The following HECTD4 variants were observed in gnomAD, a reference collection of about 807,000 sequenced individuals.
The protein encoded by HECTD4 is HECT domain E3 ubiquitin protein ligase 4, also known as probable E3 ubiquitin-protein ligase HECTD4.
A neutral mutation model predicts 471.5 loss-of-function variants in HECTD4; 114 were observed. The observed-to-expected ratio is 0.24, with a 90% CI of 0.21 to 0.28. The LOEUF (loss-of-function observed/expected upper bound fraction) is 0.28. Ranked by LOEUF, HECTD4 falls within the 10% of genes least tolerant of loss-of-function variation. The pLI, the probability that HECTD4 is intolerant of heterozygous loss-of-function variation, is 1.00. For missense variants in HECTD4, 3,866 were observed against 5,651.5 expected (o/e 0.68, Z 10.13); for synonymous variants, 2,012 against 2,256.0 (o/e 0.89, Z 3.07).
At position 112,239,155 on chromosome 12, in the gene HECTD4, G is replaced by A; in HGVS notation, c.5187C>T (p.Ser1729=). The A allele has an allele frequency of 1.2e-6, 2 of 1,613,886 alleles. No individual in the cohort carries two copies. The highest frequency in any genetic ancestry group is 1.7e-6 in the Non-Finnish European group (2 of 1,179,846). The change falls in exon 34 of 76, where the codon TCC becomes TCT. Residue 1729 remains serine, a synonymous_variant. Coordinates refer to ENST00000682272, the MANE Select transcript of HECTD4 (RefSeq NM_001388303.1). This position sits in a 1 kb window ranked among gnomAD's most constrained non-coding sequence, Gnocchi z 4.9. Reference sequence around the variant, plus strand: ...TCTTGGTCTGTTTCTCACTGGAGCTGGACTCGGTCTGATTGCTCAAGCTAC... The same window carrying A: ...TCTTGGTCTGTTTCTCACTGGAGCTAGACTCGGTCTGATTGCTCAAGCTAC... The part of the protein sequence containing the change: ...RLCSLSNQTE[S]SSSEKQTKKQ...
intron 7 of HECTD4, among the ~76,000 whole-genome samples, chr12:112,304,030 C>T: frequency 6.6e-6 from 1 of 151,884 alleles, no homozygotes; most frequent in East Asian, 1.9e-4. Flanking sequence ...ATATGAAGGT[C>T]ACCACCAGAA....
At position 112,267,309 on chromosome 12, in the gene HECTD4, A is replaced by G. The variant is rs1023816943; in HGVS notation, c.2322-327T>C. 1.3e-5 allele frequency: 3 copies of G among 234,956 alleles called. No individual in the cohort carries two copies. The Admixed American group carries it at 1.8e-4, about 14-fold the overall frequency. The allele number at this position is 234,956 out of a possible 1,614,324, so 14.6% of individuals were successfully genotyped here. A position where few individuals can be genotyped will look rare whatever the true frequency, so the allele number is the denominator to read the frequency against. On this transcript the variant is annotated intron_variant, in intron 13 of 75. Transcript: ENST00000682272. ...TCCCCTGCTAGAACCTCCAAACAAG[A>G]TGTCAATTGATTACATAAAACTGTG...
chr12:112,374,588 C>A (rs1328876497), intron 1 of HECTD4, among the ~76,000 whole-genome samples: 1 of 152,176 alleles, frequency 6.6e-6, no homozygotes, highest in Non-Finnish European at 1.5e-5. Flanking sequence ...TCATTAATTG[C>A]ATGGTAATCA....
At position 112,238,903 on chromosome 12, in the gene HECTD4, G is replaced by A. The variant is rs551389276; in HGVS notation, c.5290+149C>T. ...TTTTATAAAACCACACTGAGGAAAA[G>A]TCTCTCATGAAATCATCCACTGATT... On this transcript the variant is annotated intron_variant, in intron 34 of 75. Transcript: ENST00000682272. 20 of 710,314 alleles carry A rather than the reference G, an allele frequency of 2.8e-5. No homozygotes were observed. In the East Asian group the frequency reaches 5.1e-4, roughly 18 times the overall value. 44.0% of individuals were successfully genotyped at this position (710,314 alleles called of 1,614,324 possible). A position where few individuals can be genotyped will look rare whatever the true frequency, so the allele number is the denominator to read the frequency against.
intron 7 of HECTD4, among the ~76,000 whole-genome samples, chr12:112,289,242 G>A (rs187615348): frequency 3.9e-5 from 6 of 152,180 alleles, no homozygotes; most frequent in Non-Finnish European, 8.8e-5. Context: ...TGAGACTACA[G>A]GTGTGAACCA....
chr12:112,279,496 T>C (rs1566096984), intron 8 of HECTD4, 110 bp from the exon 9 acceptor site: 3 of 900,368 alleles, frequency 3.3e-6, no homozygotes, highest in Non-Finnish European at 4.9e-6. Flanking sequence ...AACAAAGATT[T>C]GGAAAACAGA....
intron 69 of HECTD4, chr12:112,169,934 GCC>G: frequency 1.7e-6 from 1 of 573,562 alleles, no homozygotes; most frequent in Non-Finnish European, 3.1e-6. Flanking sequence ...GGAGGTCCTC[GCC>G]CCCCAACTCC....
intron 37 of HECTD4, 33 bp from the exon 38 acceptor site, chr12:112,233,118 C>T (rs777344769): frequency 4.4e-5 from 68 of 1,558,776 alleles, no homozygotes; most frequent in Non-Finnish European, 5.9e-5. Context: ...CACAGCACAC[C>T]TTACAGGCAC....
chr12:112,252,360 G>C, intron 23 of HECTD4, 64 bp downstream of exon 23: 1 of 1,476,362 alleles, frequency 6.8e-7, no homozygotes. Flanking sequence ...CAAATATGCT[G>C]TATGTAATCA....
At chr12:112,342,761 G>A (rs771537970) in intron 1 of HECTD4, among the ~76,000 whole-genome samples, 3 of 152,122 alleles carry the variant, frequency 2.0e-5, no homozygotes, top group Admixed American at 6.5e-5. Flanking sequence ...CCAAAACCAC[G>A]TATGCCAAAT....
At chr12:112,367,820 CAAAAAAAAAAAA>C (rs59590181) in intron 1 of HECTD4, among the ~76,000 whole-genome samples, 18 of 12,564 alleles carry the variant, frequency 1.4e-3, no homozygotes, top group South Asian at 9.9e-3. Flanking sequence ...GACTCCATCT[CAAAAAAAAAAAA>C]AAAAAAAAAA....
Position 112,231,568 on chromosome 12 carries a change from T to G in HECTD4, c.6145A>C (p.Lys2049Gln). 6.2e-7 allele frequency: 1 copy of G among 1,614,050 alleles called. No individual in the cohort carries two copies. Among genetic ancestry groups the G allele is most frequent in the Non-Finnish European group, 8.5e-7 (1 of 1,179,902 alleles). The change falls in exon 39 of 76, where the codon AAA becomes CAA. Residue 2049 changes from lysine (K) to glutamine (Q), a missense_variant. Physicochemically the swap from Lys to Gln is moderately conservative, Grantham distance 53. Around this residue, in one of 16 missense-constraint regions of HECTD4, gnomAD observed 617 missense variants for 915.1 expected, o/e 0.67. Coordinates refer to ENST00000682272, the MANE Select transcript of HECTD4 (RefSeq NM_001388303.1). Reference protein sequence around the residue: ...ETVSGLSTGDKKKTAQTSICR... With the variant: ...ETVSGLSTGDQKKTAQTSICR... ...ATGGAAGTTTGGGCAGTTTTCTTTT[T>G]GTCGCCTGTGGATAGTCCACTCACA...
Position 112,184,046 on chromosome 12 carries a change from T to C in HECTD4, c.10779+141A>G. The stretch of plus-strand genomic sequence containing the variant: ...GACGTTACCCCAAGCAGCCTCACTG[T>C]GCTCATTCCAAGGGCTGCCCCAGGG... On this transcript the variant is annotated intron_variant, in intron 61 of 75. Coordinates refer to ENST00000682272, the MANE Select transcript of HECTD4 (RefSeq NM_001388303.1). This position sits in a 1 kb window ranked among gnomAD's most constrained non-coding sequence, Gnocchi z 9.1. 1.3e-6 allele frequency: 1 copy of C among 785,672 alleles called. No individual in the cohort carries two copies. The highest frequency in any genetic ancestry group is 2.1e-6 in the Non-Finnish European group (1 of 479,992). The allele number at this position is 785,672 out of a possible 1,614,324, so 48.7% of individuals were successfully genotyped here.
chr12:112,206,526 G>C (rs966109261), intron 52 of HECTD4, among the ~76,000 whole-genome samples: 10 of 144,370 alleles, frequency 6.9e-5, no homozygotes, highest in African/African-American at 2.5e-4. Flanking sequence ...GGTGTTGATA[G>C]AATCTGCTTT....
chr12:112,289,633 G>A (rs2034833264), intron 7 of HECTD4, among the ~76,000 whole-genome samples: 1 of 151,938 alleles, frequency 6.6e-6, no homozygotes, highest in South Asian at 2.1e-4. Context: ...AAATCTGGGG[G>A]GAAGAAAGAA....
At chr12:112,338,610 A>G (rs1489389035) in intron 1 of HECTD4, among the ~76,000 whole-genome samples, 1 of 152,002 alleles carries the variant, frequency 6.6e-6, no homozygotes, top group Non-Finnish European at 1.5e-5. Context: ...ACAGAGTGAG[A>G]CTCTATCTCA....
At chr12:112,366,964 T>G (rs533424308) in intron 1 of HECTD4, among the ~76,000 whole-genome samples, 1 of 150,672 alleles carries the variant, frequency 6.6e-6, no homozygotes, top group East Asian at 1.9e-4. Flanking sequence ...GTGGGTACAC[T>G]GCCAATACTA....
rs997238262 is a variant in HECTD4, at chr12:112,179,390, C to T, written c.10995G>A (p.Lys3665=). ...YFNDKSIKGE[K]LVPGAREVLT... ...GAACCTCTCTGGCTCCGGGCACCAGCTTCTCCCCTGTTGGATGGAGAGGGG... is the reference window on the plus strand; with the variant it reads ...GAACCTCTCTGGCTCCGGGCACCAGTTTCTCCCCTGTTGGATGGAGAGGGG... Residue 3665 remains lysine (K), a synonymous_variant, in exon 63 of 76, where the codon AAG becomes AAA. Transcript: ENST00000682272. The surrounding 1 kb of genome is among the most constrained non-coding windows in gnomAD (Gnocchi z 4.3). The T allele has an allele frequency of 1.9e-6, 3 of 1,610,590 alleles. No individual in the cohort carries two copies. Among genetic ancestry groups the T allele is most frequent in the Non-Finnish European group, 8.5e-7 (1 of 1,178,524 alleles).
intron 55 of HECTD4, among the ~76,000 whole-genome samples, chr12:112,195,573 T>G (rs1310985420): frequency 6.6e-6 from 1 of 152,030 alleles, no homozygotes; most frequent in Non-Finnish European, 1.5e-5. Context: ...AAACAGAAAA[T>G]AGATTGGTGG....
Sources: gnomAD v4.1 joint callset for allele counts (sites outside exome capture counted in the v4.1 genomes callset) on GRCh38, gnomAD v4.1.1 for gene constraint, gnomAD v4.1.1 regional missense constraint, Gnocchi (gnomAD v3.1) non-coding constraint, MANE v1.5 for transcripts, NCBI Gene and HGNC (gene_info 2026-07-23, HGNC 2026-07-21) for gene names.